The following DOCK11 variants were observed in gnomAD, a reference collection of about 807,000 sequenced individuals.
DOCK11 encodes dedicator of cytokinesis protein 11.
Under a neutral mutation model 169.1 loss-of-function variants are expected in DOCK11, and 70 were observed. The observed-to-expected ratio is 0.41, with a 90% CI of 0.34 to 0.51. The LOEUF (loss-of-function observed/expected upper bound fraction) is 0.51. DOCK11 is among the 20% of genes least tolerant of loss of function. The probability of loss-of-function intolerance (pLI) is 0.10; values close to 1 mark genes in which losing one functional copy is unlikely to be tolerated. For synonymous variants in DOCK11, 529 were observed against 541.3 expected, an observed-to-expected ratio of 0.98 and a Z score of 0.32; for missense variants, 1,166 against 1,538.8, an observed-to-expected ratio of 0.76 and a Z score of 4.05.
chrX:118,648,555 A>AT (rs1468740558), intron 40 of DOCK11, among the ~76,000 whole-genome samples: 1 of 95,152 alleles, frequency 1.1e-5, no homozygotes, highest in Non-Finnish European at 2.0e-5. Flanking sequence ...TATAACATAA[A>AT]TTATATATAT....
At chrX:118,660,065 C>A (rs901346953) in intron 44 of DOCK11, among the ~76,000 whole-genome samples, 1 of 111,839 alleles carries the variant, frequency 8.9e-6, no homozygotes, top group African/African-American at 3.2e-5. Context: ...CTCTTCTTTA[C>A]GGCCTGGCTC....
intron 10 of DOCK11, among the ~76,000 whole-genome samples, chrX:118,571,873 G>A (rs1237031039): frequency 8.9e-6 from 1 of 112,192 alleles, no homozygotes; most frequent in East Asian, 2.8e-4. Context: ...GAGGGAGCAA[G>A]CCATACAGCT....
chrX:118,524,302 CATCCATATTTCAGGCTG>C (rs781683328), intron 1 of DOCK11, among the ~76,000 whole-genome samples: 1 of 111,783 alleles, frequency 8.9e-6, no homozygotes, highest in Non-Finnish European at 1.9e-5. Flanking sequence ...GTACCTTCTC[CATCCATATTTCAGGCTG>C]TCTGTTTGCT....
Position 118,540,115 on chromosome X carries a change from CT to C in DOCK11, c.103-2602del, listed in dbSNP as rs1248027894. On this transcript the variant is annotated intron_variant, in intron 1 of 52. Coordinates refer to ENST00000276202, the MANE Select transcript of DOCK11 (RefSeq NM_144658.4). The stretch of plus-strand genomic sequence containing the variant: ...AAAAAGAAAGCTGAAGGAGGATTTT[CT>C]TTTTTTTCTTTTTCAAATATACTTG... Among the ~76,000 whole-genome samples the C allele has an allele frequency of 9.9e-4, 101 of 101,740 alleles. 1 individual carries two copies. Among genetic ancestry groups the C allele is most frequent in the African/African-American group, 3.3e-3 (94 of 28,203 alleles). The allele number at this position is 101,740 out of a possible 115,157, so 88.3% of individuals were successfully genotyped here.
intron 23 of DOCK11, 81 bp downstream of exon 23, chrX:118,599,309 A>C: frequency 1.4e-6 from 1 of 715,403 alleles, no homozygotes; most frequent in Non-Finnish European, 2.1e-6. Flanking sequence ...AAAAAAAAGC[A>C]AACAGACAGT....
At chrX:118,681,632 C>A in intron 50 of DOCK11, 62 bp from the exon 51 acceptor site, 1 of 883,682 alleles carries the variant, frequency 1.1e-6, no homozygotes, top group Non-Finnish European at 1.5e-6. Flanking sequence ...AGAGAAATGC[C>A]AAAACTTCTT....
rs764214251 is a variant in DOCK11 at position 118,628,249 on chromosome X, G to C, written c.3751G>C (p.Asp1251His). The change falls in exon 34 of 53, where the codon GAT becomes CAT. Residue 1251 changes from aspartate (D) to histidine (H), a missense_variant. By Grantham distance (81) the Asp-to-His change is moderately conservative. Coordinates refer to ENST00000276202, the MANE Select transcript of DOCK11 (RefSeq NM_144658.4). Reference protein sequence around the residue: ...LIPEGATGFPDQGNTGENTRQ... With the variant: ...LIPEGATGFPHQGNTGENTRQ... ...CCCAGAAGGAGCAACAGGATTTCCAGATCAGGGCAACACTGGTGAAAATGT... is the reference window on the plus strand; with the variant it reads ...CCCAGAAGGAGCAACAGGATTTCCACATCAGGGCAACACTGGTGAAAATGT... 2.8e-5 allele frequency: 33 copies of C among 1,199,179 alleles called. No homozygotes were observed. In the South Asian group the frequency reaches 5.3e-4, roughly 19 times the overall value.
At chrX:118,567,055 T>A (rs1773851032) in intron 9 of DOCK11, among the ~76,000 whole-genome samples, 1 of 112,375 alleles carries the variant, frequency 8.9e-6, no homozygotes, top group African/African-American at 3.2e-5. Flanking sequence ...ATATTCTCTA[T>A]ATGTAAATAT....
Position 118,683,070 on chromosome X carries a change from C to T in DOCK11, c.5964-9C>T. 3.3e-6 allele frequency: 4 copies of T among 1,195,271 alleles called. No individual in the cohort carries two copies. Among genetic ancestry groups the T allele is most frequent in the Non-Finnish European group, 4.5e-6 (4 of 887,631 alleles). On this transcript the variant is annotated splice_polypyrimidine_tract_variant and intron_variant, in intron 51 of 52. Transcript: ENST00000276202. ...TAACAAGACCTTTATCTTTGATATTCATCCACAGGAAATTTATACAAGCAT... is the reference window on the plus strand; with the variant it reads ...TAACAAGACCTTTATCTTTGATATTTATCCACAGGAAATTTATACAAGCAT...
chrX:118,571,291 C>A (rs747819753), intron 10 of DOCK11, among the ~76,000 whole-genome samples: 2 of 111,448 alleles, frequency 1.8e-5, no homozygotes, highest in Non-Finnish European at 3.8e-5. Context: ...TTGTATTTCA[C>A]GACTAAGTTC....
chrX:118,583,314 G>T (rs1300219370), intron 14 of DOCK11, among the ~76,000 whole-genome samples: 2 of 110,625 alleles, frequency 1.8e-5, no homozygotes, highest in African/African-American at 3.3e-5. Flanking sequence ...AACATTAGGA[G>T]AAATACCTAA....
At chrX:118,670,972 A>G in intron 45 of DOCK11, 51 bp from the exon 46 acceptor site, 1 of 1,120,629 alleles carries the variant, frequency 8.9e-7, no homozygotes, top group Non-Finnish European at 1.2e-6. Flanking sequence ...TTATTTGTCC[A>G]AAACTCTAAA....
At chrX:118,598,350 G>A (rs113253148) in intron 22 of DOCK11, among the ~76,000 whole-genome samples, 6,168 of 107,279 alleles carry the variant, frequency 0.057, 181 homozygotes, top group Non-Finnish European at 0.081. Flanking sequence ...CTATGATTGC[G>A]CCACTGCACT....
intron 1 of DOCK11, among the ~76,000 whole-genome samples, chrX:118,514,102 G>A (rs1205958672): frequency 9.0e-6 from 1 of 110,879 alleles, no homozygotes; most frequent in Non-Finnish European, 1.9e-5. Context: ...TAGTGAATGA[G>A]TCTCATGCAT....
intron 6 of DOCK11, 88 bp from the exon 7 acceptor site, chrX:118,561,295 C>T: frequency 1.1e-6 from 1 of 939,646 alleles, no homozygotes; most frequent in South Asian, 3.6e-5. Flanking sequence ...AATTGCCTGG[C>T]AAGCTTTTGA....
At position 118,588,138 on chromosome X, in the gene DOCK11, T is replaced by C. The variant is rs774564310; in HGVS notation, c.1797T>C (p.Asn599=). The C allele has an allele frequency of 5.1e-6, 6 of 1,176,198 alleles. No individual in the cohort carries two copies. The highest frequency in any genetic ancestry group is 2.4e-4 in the Middle Eastern group (1 of 4,204). The change falls in exon 17 of 53, where the codon AAT becomes AAC. Residue 599 remains asparagine, a splice_region_variant and synonymous_variant. Coordinates refer to ENST00000276202, the MANE Select transcript of DOCK11 (RefSeq NM_144658.4). Reference sequence around the variant, plus strand: ...TGCCTGTTTTTTTCCCTGCTATAGATTGTATTACTTCTTCATATGTGCCCT... The same window carrying C: ...TGCCTGTTTTTTTCCCTGCTATAGACTGTATTACTTCTTCATATGTGCCCT... The part of the protein sequence containing the change: ...TVECVPVDLS[N]CITSSYVPLK...
intron 44 of DOCK11, 79 bp downstream of exon 44, chrX:118,655,040 A>C (rs763868594): frequency 6.0e-5 from 55 of 913,365 alleles, no homozygotes; most frequent in Non-Finnish European, 8.1e-5. Context: ...TTAGCTATGA[A>C]TATGATATAA....
intron 19 of DOCK11, 113 bp downstream of exon 19, chrX:118,590,415 T>C: frequency 6.4e-6 from 4 of 625,543 alleles, no homozygotes; most frequent in Non-Finnish European, 1.0e-5. Flanking sequence ...TTTTGTTCCA[T>C]GAAAACAGAA....
intron 40 of DOCK11, among the ~76,000 whole-genome samples, chrX:118,647,703 A>C (rs1429585042): frequency 1.8e-5 from 1 of 55,491 alleles, no homozygotes. Context: ...AATATAATAT[A>C]TAATAATATA....
Sources: gnomAD v4.1 joint callset for allele counts (sites outside exome capture counted in the v4.1 genomes callset) on GRCh38, gnomAD v4.1.1 for gene constraint, MANE v1.5 for transcripts, NCBI Gene and HGNC (gene_info 2026-07-23, HGNC 2026-07-21) for gene names.